HPS3: variants seen among roughly 807,000 people sequenced by gnomAD.
HPS3 encodes the protein HPS3 biogenesis of lysosomal organelles complex 2 subunit 1, also known as BLOC-2 complex member HPS3.
Under a neutral mutation model 110.9 loss-of-function variants are expected in HPS3, and 79 were observed. The observed-to-expected ratio is 0.71, with a 90% CI of 0.59 to 0.86. The LOEUF is 0.86. Ranked by LOEUF, HPS3 falls within the 40% of genes least tolerant of loss-of-function variation. The probability of loss-of-function intolerance (pLI) is 0.00; values close to 1 mark genes in which losing one functional copy is unlikely to be tolerated. For synonymous variants in HPS3, 428 were observed against 451.0 expected, an observed-to-expected ratio of 0.95 and a Z score of 0.65; for missense variants, 1,197 against 1,206.2, an observed-to-expected ratio of 0.99 and a Z score of 0.11.
chr3:149,136,129 C>G lies in HPS3; in HGVS notation c.218-3875C>G, dbSNP rs376769032. ...AATAAAGACAGAAGCTGAGCCTGGG[C>G]TACATAGTGAAACCCTGTTTCTACA... On this transcript the variant is annotated intron_variant, in intron 1 of 16. Transcript: ENST00000296051. Among the ~76,000 whole-genome samples, 77 of 151,988 alleles carry G rather than the reference C, an allele frequency of 5.1e-4. No individual in the cohort carries two copies. In the South Asian group the frequency reaches 0.015, roughly 30 times the overall value.
intron 1 of HPS3, among the ~76,000 whole-genome samples, chr3:149,134,132 CA>C (rs1721936313): frequency 2.0e-5 from 3 of 152,198 alleles, no homozygotes; most frequent in Non-Finnish European, 4.4e-5. Context: ...CTAATGACAA[CA>C]TTAGCAGGGG....
In HPS3 at chr3:149,155,127, T is replaced by G; in HGVS notation, c.1421T>G (p.Val474Gly). Residue 474 changes from valine (V) to glycine (G), a missense_variant, in exon 8 of 17, where the codon GTT (valine) becomes GGT (glycine). Physicochemically the swap from Val to Gly is moderately radical, Grantham distance 109 (BLOSUM62 -3). Transcript: ENST00000296051. The part of the protein sequence containing the change: ...KRLLSRKDTS[V>G]KIKIPPVAEA... ...TTTAGTTCGAGAAAAGATACCAGTG[T>G]TAAAATCAAAATACCTCCTGTAGCT... 6.2e-7 allele frequency: 1 copy of G among 1,604,260 alleles called. No homozygotes were observed. Among genetic ancestry groups the G allele is most frequent in the Non-Finnish European group, 8.5e-7 (1 of 1,171,078 alleles).
At chr3:149,136,705 T>C (rs145705513) in intron 1 of HPS3, among the ~76,000 whole-genome samples, 1 of 152,292 alleles carries the variant, frequency 6.6e-6, no homozygotes, top group East Asian at 1.9e-4. Context: ...ATCATAAGGA[T>C]TGTCAGGCAG....
intron 4 of HPS3, 139 bp downstream of exon 4, chr3:149,141,519 GTTTTTTTTTTTGTTTTTTTTTT>G: frequency 2.5e-6 from 1 of 392,312 alleles, no homozygotes; most frequent in Non-Finnish European, 4.6e-6. Flanking sequence ...CTTTAACAAA[GTTTTTTTTTTTGTTTTTTTTTT>G]TTTTTTTTTT....
chr3:149,169,229 C>A (rs985025843), intron 16 of HPS3, among the ~76,000 whole-genome samples: 4 of 152,128 alleles, frequency 2.6e-5, no homozygotes, highest in African/African-American at 4.8e-5. Flanking sequence ...AGGGAGACAG[C>A]TGAAGAACTT....
rs767483223 is a variant in HPS3, at chr3:149,162,825, T to C, written c.2428T>C (p.Leu810=). 1.9e-6 allele frequency: 3 copies of C among 1,613,994 alleles called. No individual in the cohort carries two copies. The Admixed American group carries it at 5.0e-5, about 27-fold the overall frequency. The change falls in exon 13 of 17, where the codon TTG becomes CTG. Residue 810 remains leucine, a synonymous_variant. Transcript: ENST00000296051. ...ACTCACATCACAGTACATCTGGAGA[T>C]TGTCTAAGAGGCAGCCTCCTGACAC... ...FKLTSQYIWR[L]SKRQPPDTTP... is the part of the protein sequence containing the mutation.
At chr3:149,133,591 G>T (rs1160418961) in intron 1 of HPS3, among the ~76,000 whole-genome samples, 9 of 152,106 alleles carry the variant, frequency 5.9e-5, no homozygotes, top group African/African-American at 1.4e-4. Context: ...GAGCCACTGT[G>T]CCCGGCCCAT....
intron 2 of HPS3, 122 bp from the exon 3 acceptor site, chr3:149,140,895 C>A: frequency 1.1e-6 from 1 of 894,828 alleles, no homozygotes; most frequent in South Asian, 1.5e-5. Context: ...TTCACAACCA[C>A]AGTGCCTTGT....
chr3:149,159,918 A>G, intron 10 of HPS3, 128 bp from the exon 11 acceptor site: 3 of 713,162 alleles, frequency 4.2e-6, no homozygotes, highest in Admixed American at 2.2e-5. Flanking sequence ...ATTAAAACAT[A>G]ATACTATAAT....
chr3:149,163,978 A>G (rs909396261), intron 14 of HPS3, 29 bp downstream of exon 14: 2 of 1,064,524 alleles, frequency 1.9e-6, no homozygotes, highest in African/African-American at 3.1e-5. Context: ...TTTTCTTATG[A>G]AATTGCATAT....
At chr3:149,162,361 C>T in intron 12 of HPS3, 28 bp downstream of exon 12, 2 of 1,598,158 alleles carry the variant, frequency 1.3e-6, no homozygotes, top group Non-Finnish European at 1.7e-6. Context: ...TGTGATTTTT[C>T]TGGATGGCCT....
chr3:149,140,900 C>T lies in HPS3; in HGVS notation c.713-117C>T. On this transcript the variant is annotated intron_variant, in intron 2 of 16. Coordinates refer to ENST00000296051, the MANE Select transcript of HPS3 (RefSeq NM_032383.5). ...GCTAAGTCTTTTCACAACCACAGTG[C>T]CTTGTAAATGTGTGCATATTATAAA... 4 of 928,922 alleles carry T rather than the reference C, an allele frequency of 4.3e-6. No homozygotes were observed. The South Asian group carries it at 4.5e-5, about 10-fold the overall frequency. 57.5% of individuals were successfully genotyped at this position (928,922 alleles called of 1,614,324 possible).
chr3:149,154,589 A>C (rs1723324270), intron 7 of HPS3, among the ~76,000 whole-genome samples: 1 of 152,230 alleles, frequency 6.6e-6, no homozygotes, highest in Admixed American at 6.5e-5. Context: ...CATTTGATAA[A>C]CAATTATAAA....
At chr3:149,140,966 G>A (rs1722403555) in intron 2 of HPS3, 51 bp from the exon 3 acceptor site, 2 of 1,525,278 alleles carry the variant, frequency 1.3e-6, no homozygotes, top group South Asian at 1.1e-5. Context: ...AGAGGATGTT[G>A]TAAAATCTAA....
chr3:149,168,076 T>A, intron 16 of HPS3, 93 bp downstream of exon 16: 1 of 784,768 alleles, frequency 1.3e-6, no homozygotes, highest in Non-Finnish European at 2.2e-6. Flanking sequence ...GATTCTCAAG[T>A]GAAACCGAGG....
chr3:149,158,928 T>C (rs1000429510), intron 10 of HPS3, 82 bp downstream of exon 10: 9 of 959,148 alleles, frequency 9.4e-6, no homozygotes, highest in Admixed American at 7.7e-5. Flanking sequence ...TGTTTAGAAG[T>C]CAGATTCCAA....
intron 1 of HPS3, among the ~76,000 whole-genome samples, chr3:149,138,999 A>G (rs1005666034): frequency 2.0e-5 from 3 of 152,228 alleles, no homozygotes; most frequent in African/African-American, 7.2e-5. Context: ...CTTTGGCCCA[A>G]CATATCTCAC....
At chr3:149,130,640 C>T (rs1559902937) in intron 1 of HPS3, among the ~76,000 whole-genome samples, 1 of 152,072 alleles carries the variant, frequency 6.6e-6, no homozygotes, top group African/African-American at 2.4e-5. Context: ...ATTAGCCGGA[C>T]GTGGTGGTGG....
chr3:149,142,539 C>G (rs1055960166), intron 4 of HPS3, among the ~76,000 whole-genome samples: 4 of 152,174 alleles, frequency 2.6e-5, no homozygotes, highest in African/African-American at 9.7e-5. Context: ...TAATGGGCAC[C>G]ATGATTGAGA....
Sources: allele counts gnomAD v4.1 joint callset (sites outside exome capture counted in the v4.1 genomes callset), GRCh38; gene constraint gnomAD v4.1.1; transcripts MANE v1.5; gene names NCBI Gene and HGNC (gene_info 2026-07-23, HGNC 2026-07-21).